The following ADGRB1 variants were observed in gnomAD, a reference collection of about 807,000 sequenced individuals.
The protein encoded by ADGRB1 is adhesion G protein-coupled receptor B1.
Under a neutral mutation model 175.7 loss-of-function variants are expected in ADGRB1, and 36 were observed. That is an observed-to-expected ratio of 0.20 (90% CI 0.16 to 0.27). ADGRB1 has a LOEUF of 0.27. ADGRB1 is among the 10% of genes least tolerant of loss of function. The probability of loss-of-function intolerance (pLI) is 1.00; values close to 1 mark genes in which losing one functional copy is unlikely to be tolerated. For synonymous variants in ADGRB1, 1,054 were observed against 979.4 expected, an observed-to-expected ratio of 1.08 and a Z score of -1.42; for missense variants, 1,731 against 2,255.3, an observed-to-expected ratio of 0.77 and a Z score of 4.71.
chr8:142,469,085 G>A (rs1840438091), intron 2 of ADGRB1, among the ~76,000 whole-genome samples: 1 of 152,280 alleles, frequency 6.6e-6, no homozygotes, highest in South Asian at 2.1e-4. Flanking sequence ...CTGCCATCGA[G>A]TGGTAACACT....
intron 2 of ADGRB1, among the ~76,000 whole-genome samples, chr8:142,469,643 G>A (rs755200805): frequency 2.0e-5 from 3 of 151,340 alleles, no homozygotes; most frequent in East Asian, 2.0e-4. Context: ...GTATGTGCAC[G>A]TGCGTGTGAA....
At chr8:142,503,697 A>ACCCTGC (rs768350409) in intron 17 of ADGRB1, among the ~76,000 whole-genome samples, 38 of 152,084 alleles carry the variant, frequency 2.5e-4, no homozygotes, top group Non-Finnish European at 1.9e-4. Flanking sequence ...GGCAGCCAGC[A>ACCCTGC]CCCTGCCCTC....
Position 142,520,915 on chromosome 8 carries a change from C to G in ADGRB1, c.3014C>G (p.Thr1005Ser). The G allele has an allele frequency of 6.2e-7, 1 of 1,613,180 alleles. No homozygotes were observed. Among genetic ancestry groups the G allele is most frequent in the African/African-American group, 1.3e-5 (1 of 75,030 alleles). The change falls in exon 20 of 31, where the codon ACC becomes AGC. Residue 1005 changes from threonine to serine, a missense_variant. Thr to Ser is a moderately conservative substitution (Grantham distance 58). Transcript: ENST00000517894. ...NALILIGQTQ[T>S]RNKVVCTLVA... ...CTCATCCTCATCGGGCAGACCCAGA[C>G]CCGCAACAAGGTAGGCAGCCTTGCG...
Position 142,464,807 on chromosome 8 carries a change from G to T in ADGRB1, c.609G>T (p.Ser203=). 6.5e-7 allele frequency: 1 copy of T among 1,534,708 alleles called. No homozygotes were observed. The highest frequency in any genetic ancestry group is 8.7e-7 in the Non-Finnish European group (1 of 1,145,540). Residue 203 remains serine (S), a synonymous_variant, in exon 2 of 31, where the codon TCG becomes TCT. Transcript: ENST00000517894. ...CGTGTCTGGCCGGTAGTCGCAGCTCGCACCCCTGCGGGATCATGCAGACCC... is the reference window on the plus strand; with the variant it reads ...CGTGTCTGGCCGGTAGTCGCAGCTCTCACCCCTGCGGGATCATGCAGACCC... The part of the protein sequence containing the change: ...LDACLAGSRS[S]HPCGIMQTPC...
intron 17 of ADGRB1, among the ~76,000 whole-genome samples, chr8:142,505,307 C>T (rs1452699019): frequency 6.6e-6 from 1 of 152,192 alleles, no homozygotes; most frequent in Admixed American, 6.5e-5. Context: ...GGGCAGGGGC[C>T]CCAAGAGCAC....
intron 19 of ADGRB1, 126 bp downstream of exon 19, chr8:142,518,367 C>T (rs1189110725): frequency 4.0e-6 from 4 of 1,007,814 alleles, no homozygotes; most frequent in Non-Finnish European, 5.9e-6. Context: ...TCCCAGTCAC[C>T]TCCGCATTTG....
chr8:142,509,235 C>G (rs1040014583), intron 17 of ADGRB1, among the ~76,000 whole-genome samples: 1 of 152,224 alleles, frequency 6.6e-6, no homozygotes, highest in Non-Finnish European at 1.5e-5. Context: ...CATGCTTGCT[C>G]TGAGCCCGGC....
chr8:142,503,235 A>G (rs1842706763), intron 17 of ADGRB1, among the ~76,000 whole-genome samples: 1 of 151,980 alleles, frequency 6.6e-6, no homozygotes, highest in Admixed American at 6.5e-5. Flanking sequence ...GGGTGAGGAA[A>G]TGGCGGGAGA....
At chr8:142,514,692 C>A (rs61127818) in intron 18 of ADGRB1, among the ~76,000 whole-genome samples, 1 of 152,054 alleles carries the variant, frequency 6.6e-6, no homozygotes, top group African/African-American at 2.4e-5. Flanking sequence ...GGGTTCAGCA[C>A]GTGACCAGAA....
Position 142,493,326 on chromosome 8 carries a change from T to C in ADGRB1, c.2675+2511T>C, listed in dbSNP as rs535843831. 2.0e-5 allele frequency among the ~76,000 whole-genome samples: 3 copies of C among 151,988 alleles called. No individual in the cohort carries two copies. The highest frequency in any genetic ancestry group is 7.2e-5 in the African/African-American group (3 of 41,474). ...TGGGAGCCTTGGCTTCCTGACCCTA[T>C]GGCCAGGGTCTGCCTGCTTTTAGGC... On this transcript the variant is annotated intron_variant, in intron 17 of 30. Transcript: ENST00000517894. The surrounding 1 kb of genome is among the most constrained non-coding windows in gnomAD (Gnocchi z 5.0).
Position 142,544,648 on chromosome 8 carries a change from C to T in ADGRB1, c.*231C>T, listed in dbSNP as rs977444991. 3 of 426,788 alleles carry T rather than the reference C, an allele frequency of 7.0e-6. No individual in the cohort carries two copies. The highest frequency in any genetic ancestry group is 4.2e-5 in the African/African-American group (2 of 47,812). The allele number at this position is 426,788 out of a possible 1,614,324, so 26.4% of individuals were successfully genotyped here. ...ACAGGGCACCAGAGGCCGAAGGTGC[C>T]TCAGACTCCGCCCTCCTCGGGCCGA... On this transcript the variant is annotated 3_prime_UTR_variant, in exon 31 of 31. Transcript: ENST00000517894.
chr8:142,462,675 C>T (rs1044386747), intron 1 of ADGRB1, among the ~76,000 whole-genome samples: 11 of 152,242 alleles, frequency 7.2e-5, no homozygotes, highest in African/African-American at 1.2e-4. Flanking sequence ...CGTGGGCGGG[C>T]GACCGGCATT....
chr8:142,478,523 A>G (rs1387771962), intron 7 of ADGRB1, among the ~76,000 whole-genome samples, 163 bp downstream of exon 7: 2 of 119,250 alleles, frequency 1.7e-5, no homozygotes, highest in Non-Finnish European at 3.5e-5. Context: ...GGGGAAACGG[A>G]GCATGGGGTG....
chr8:142,487,205 C>T lies in ADGRB1; in HGVS notation c.2309-1159C>T, dbSNP rs537729362. On this transcript the variant is annotated intron_variant, in intron 13 of 30. Coordinates refer to ENST00000517894, the MANE Select transcript of ADGRB1 (RefSeq NM_001702.3). ...CACCCTGGTGCCCATGCCAGCCCTC[C>T]ACCGCCCCTCGATGACCCTGTGTCC... Among the ~76,000 whole-genome samples the T allele has an allele frequency of 1.3e-3, 202 of 152,294 alleles. 1 individual carries two copies. The highest frequency in any genetic ancestry group is 4.7e-3 in the African/African-American group (195 of 41,554).
intron 1 of ADGRB1, among the ~76,000 whole-genome samples, chr8:142,463,465 T>C (rs1350523394): frequency 6.6e-6 from 1 of 152,254 alleles, no homozygotes; most frequent in Non-Finnish European, 1.5e-5. Context: ...CTTTCTCCTG[T>C]GCTCCGGGCC....
At chr8:142,460,957 C>T (rs944556116) in intron 1 of ADGRB1, among the ~76,000 whole-genome samples, 2 of 152,228 alleles carry the variant, frequency 1.3e-5, no homozygotes, top group African/African-American at 4.8e-5. Context: ...TCCCCTCTGC[C>T]ACCTCTTGCC....
chr8:142,524,785 G>A (rs536948636), intron 23 of ADGRB1, among the ~76,000 whole-genome samples: 4 of 152,190 alleles, frequency 2.6e-5, no homozygotes, highest in African/African-American at 4.8e-5. Context: ...TTTCCTTCCC[G>A]CTCTCCTCCC....
chr8:142,481,989 T>TCTGGTCACACACTGAGCCCTGACC (rs1563697933), intron 11 of ADGRB1, among the ~76,000 whole-genome samples: 1 of 75,690 alleles, frequency 1.3e-5, no homozygotes, highest in Non-Finnish European at 2.9e-5. Flanking sequence ...CACACTGAGC[T>TCTGGTCACACACTGAGCCCTGACC]CTGGTCACAC....
At chr8:142,485,341 A>C (rs770115883) in intron 13 of ADGRB1, among the ~76,000 whole-genome samples, 1 of 152,202 alleles carries the variant, frequency 6.6e-6, no homozygotes, top group Non-Finnish European at 1.5e-5. Context: ...GCCCTCAAAT[A>C]TCTCTCAAAA....
Sources: gnomAD v4.1 joint callset for allele counts (sites outside exome capture counted in the v4.1 genomes callset) on GRCh38, gnomAD v4.1.1 for gene constraint, Gnocchi (gnomAD v3.1) non-coding constraint, MANE v1.5 for transcripts, NCBI Gene and HGNC (gene_info 2026-07-23, HGNC 2026-07-21) for gene names.